LIMS1: variants seen among roughly 807,000 people sequenced by gnomAD.
LIMS1 encodes the protein LIM and senescent cell antigen-like-containing domain protein 1.
In LIMS1, 18 loss-of-function variants were observed where a neutral mutation model predicts 44.1. The ratio of observed to expected loss-of-function variants is 0.41; its 90% CI spans 0.28 to 0.61. The LOEUF is 0.61. Ranked by LOEUF, LIMS1 falls within the 20% of genes least tolerant of loss-of-function variation. The pLI is 0.32. For missense variants in LIMS1, 201 were observed against 422.0 expected (o/e 0.48, Z 4.59); for synonymous variants, 93 against 149.1 (o/e 0.62, Z 2.74).
intron 1 of LIMS1, among the ~76,000 whole-genome samples, chr2:108,581,878 A>G (rs952658703): frequency 7.9e-5 from 12 of 151,998 alleles, no homozygotes; most frequent in African/African-American, 2.7e-4. Context: ...CAGAGGTTGC[A>G]GTGAGCCAAG....
At chr2:108,592,331 G>A (rs1686447351) in intron 1 of LIMS1, among the ~76,000 whole-genome samples, 1 of 152,062 alleles carries the variant, frequency 6.6e-6, no homozygotes. Context: ...AGGTGGGGAG[G>A]TATTTTATAC....
intron 1 of LIMS1, among the ~76,000 whole-genome samples, chr2:108,613,292 TTTA>T (rs1027291155): frequency 4.6e-5 from 7 of 152,194 alleles, no homozygotes; most frequent in African/African-American, 1.7e-4. Flanking sequence ...CGTAAAAGTC[TTTA>T]TTATTAGAGT....
At chr2:108,660,177 G>A (rs1691253642) in intron 2 of LIMS1, 1 of 482,170 alleles carries the variant, frequency 2.1e-6, no homozygotes, top group Admixed American at 2.3e-5. Flanking sequence ...TGCTCTAAAG[G>A]AGAGCGTGTG....
intron 8 of LIMS1, among the ~76,000 whole-genome samples, chr2:108,678,793 A>C (rs1692745973): frequency 6.6e-6 from 1 of 152,250 alleles, no homozygotes; most frequent in Non-Finnish European, 1.5e-5. Context: ...AGGGGCAAAT[A>C]AGTTAATGTC....
intron 2 of LIMS1, among the ~76,000 whole-genome samples, chr2:108,663,241 C>G (rs1691497095): frequency 6.6e-6 from 1 of 152,124 alleles, no homozygotes; most frequent in South Asian, 2.1e-4. Context: ...ACCTCAGCCT[C>G]CCTAGTAGCT....
intron 1 of LIMS1, chr2:108,659,136 A>T: frequency 1.0e-6 from 1 of 981,304 alleles, no homozygotes; most frequent in Non-Finnish European, 1.2e-6. Context: ...TCAAAGGGAT[A>T]ACCCGTGTCT....
chr2:108,579,896 G>A (rs61461228), intron 1 of LIMS1, among the ~76,000 whole-genome samples: 5,046 of 152,296 alleles, frequency 0.033, 290 homozygotes, highest in African/African-American at 0.12. Context: ...AGAGTTTAGG[G>A]AGGAAGGCAA....
chr2:108,639,238 T>G (rs957276929), intron 1 of LIMS1, among the ~76,000 whole-genome samples: 5 of 152,020 alleles, frequency 3.3e-5, no homozygotes, highest in African/African-American at 1.2e-4. Context: ...CTGGAGAAGA[T>G]CTTGAGCAGG....
At chr2:108,653,660 T>C (rs1403140043) in intron 1 of LIMS1, among the ~76,000 whole-genome samples, 1 of 151,344 alleles carries the variant, frequency 6.6e-6, no homozygotes, top group Non-Finnish European at 1.5e-5. Flanking sequence ...CTTACTCAAT[T>C]TAGAACATGT....
chr2:108,555,257 A>T (rs1011563301), intron 1 of LIMS1, among the ~76,000 whole-genome samples: 4 of 152,172 alleles, frequency 2.6e-5, no homozygotes, highest in African/African-American at 9.7e-5. Context: ...AGAGCAAATA[A>T]TGAAGCATAG....
intron 1 of LIMS1, among the ~76,000 whole-genome samples, chr2:108,628,932 T>C (rs1271165560): frequency 2.0e-5 from 3 of 152,200 alleles, no homozygotes; most frequent in Admixed American, 1.3e-4. Flanking sequence ...GAGACTGCAT[T>C]GAAATATTTT....
At chr2:108,616,694 C>T (rs987092790) in intron 1 of LIMS1, among the ~76,000 whole-genome samples, 1 of 152,084 alleles carries the variant, frequency 6.6e-6, no homozygotes, top group Non-Finnish European at 1.5e-5. Context: ...ACAGATGCTT[C>T]TGCCTTCTCA....
At chr2:108,547,789 T>C (rs543286154) in intron 1 of LIMS1, among the ~76,000 whole-genome samples, 1 of 152,298 alleles carries the variant, frequency 6.6e-6, no homozygotes, top group African/African-American at 2.4e-5. Context: ...ATATATCGGT[T>C]CCCTTGGGTT....
At chr2:108,681,031 A>G in intron 9 of LIMS1, 1 of 1,281,552 alleles carries the variant, frequency 7.8e-7, no homozygotes, top group Non-Finnish European at 9.9e-7. Flanking sequence ...AAAATGCCAG[A>G]AGAATTTAAG....
At chr2:108,609,272 G>T (rs113297316) in intron 1 of LIMS1, among the ~76,000 whole-genome samples, 3 of 152,082 alleles carry the variant, frequency 2.0e-5, no homozygotes, top group African/African-American at 7.2e-5. Flanking sequence ...AAGCATAAAG[G>T]CTTCTCCTCT....
At chr2:108,570,168 C>A (rs910447647) in intron 1 of LIMS1, among the ~76,000 whole-genome samples, 4 of 152,058 alleles carry the variant, frequency 2.6e-5, no homozygotes, top group African/African-American at 9.7e-5. Context: ...TGGTGGCTCA[C>A]GCCTGTAATC....
In LIMS1 at chr2:108,669,580, A is replaced by C. The variant is rs188038495; in HGVS notation, c.193-1201A>C. Reference sequence around the variant, plus strand: ...AACTGATACATTAAAAATGGATATCATTAAAAATGGATTTTAATAATCAAA... The same window carrying C: ...AACTGATACATTAAAAATGGATATCCTTAAAAATGGATTTTAATAATCAAA... On this transcript the variant is annotated intron_variant, in intron 2 of 9. Transcript: ENST00000544547. Among the ~76,000 whole-genome samples the C allele has an allele frequency of 5.3e-5, 8 of 152,328 alleles. No individual in the cohort carries two copies. The East Asian group carries it at 1.2e-3, about 22-fold the overall frequency.
At chr2:108,587,776 G>T (rs1686180973) in intron 1 of LIMS1, among the ~76,000 whole-genome samples, 1 of 152,208 alleles carries the variant, frequency 6.6e-6, no homozygotes, top group Non-Finnish European at 1.5e-5. Context: ...GACTCAGTCG[G>T]ATATGTGAGG....
At chr2:108,564,376 T>C (rs1407084950) in intron 1 of LIMS1, among the ~76,000 whole-genome samples, 1 of 152,166 alleles carries the variant, frequency 6.6e-6, no homozygotes, top group Non-Finnish European at 1.5e-5. Context: ...CCAAAAAACT[T>C]GTGACTCGCT....
Sources: gnomAD v4.1 joint callset for allele counts (sites outside exome capture counted in the v4.1 genomes callset) on GRCh38, gnomAD v4.1.1 for gene constraint, MANE v1.5 for transcripts, NCBI Gene and HGNC (gene_info 2026-07-23, HGNC 2026-07-21) for gene names.